ALOX12B: variants seen among roughly 807,000 people sequenced by gnomAD.
The protein encoded by ALOX12B is arachidonate 12-lipoxygenase, 12R-type.
ALOX12B carries 47 observed loss-of-function variants against 78.9 expected under a neutral mutation model. That is an observed-to-expected ratio of 0.60 (90% CI 0.47 to 0.76). ALOX12B has a LOEUF of 0.76. Among genes scored for constraint, ALOX12B ranks in the 30% least tolerant of loss-of-function variants. The pLI is 0.00. For missense variants in ALOX12B, 805 were observed against 922.6 expected (o/e 0.87, Z 1.65); for synonymous variants, 370 against 374.5 (o/e 0.99, Z 0.14).
intron 8 of ALOX12B, among the ~76,000 whole-genome samples, chr17:8,078,497 G>C (rs1032813722): frequency 2.0e-5 from 3 of 151,910 alleles, no homozygotes; most frequent in Non-Finnish European, 2.9e-5. Context: ...AGGGCCGGGC[G>C]AGGTGGCTCA....
intron 13 of ALOX12B, 37 bp from the exon 14 acceptor site, chr17:8,073,355 A>T: frequency 1.2e-6 from 2 of 1,612,864 alleles, no homozygotes; most frequent in South Asian, 1.1e-5. Context: ...TGGGTGGAAG[A>T]GTACCTCAGG....
chr17:8,077,629 C>T (rs992642036), intron 8 of ALOX12B, among the ~76,000 whole-genome samples: 1 of 152,180 alleles, frequency 6.6e-6, no homozygotes, highest in South Asian at 2.1e-4. Flanking sequence ...GGGCTCTGGC[C>T]CATCCCCCCA....
At position 8,080,916 on chromosome 17, in the gene ALOX12B, C is replaced by G. The variant is rs764854763; in HGVS notation, c.495G>C (p.Pro165=). Residue 165 remains proline (P), a synonymous_variant, in exon 4 of 15, where the codon CCG becomes CCC. Coordinates refer to ENST00000647874, the MANE Select transcript of ALOX12B (RefSeq NM_001139.3). This position sits in a 1 kb window ranked among gnomAD's most constrained non-coding sequence, Gnocchi z 4.8. ...GGTTGGGGTTGCGATGCCTCCGCAC[C>G]GGAGGGCGGTAACTGGGAATGTGCA... ...SYVHIPSYRP[P]VRRHRNPNRP... 6.2e-7 allele frequency: 1 copy of G among 1,613,698 alleles called. No homozygotes were observed. Among genetic ancestry groups the G allele is most frequent in the Non-Finnish European group, 8.5e-7 (1 of 1,180,008 alleles).
rs532164456 is a variant in ALOX12B at position 8,080,078 on chromosome 17, CGGA to C, written c.755-140_755-138del. ...GGCCCCCAGCCTGGCGCTGAGCGGC[CGGA>C]GGAGCCCGGTGCGACATTTTCCAAG... On this transcript the variant is annotated intron_variant, in intron 6 of 14. Transcript: ENST00000647874. The surrounding 1 kb of genome is among the most constrained non-coding windows in gnomAD (Gnocchi z 4.8). 246 of 1,480,178 alleles carry C rather than the reference CGGA, an allele frequency of 1.7e-4. No individual in the cohort carries two copies. The highest frequency in any genetic ancestry group is 2.1e-4 in the Non-Finnish European group (224 of 1,069,316). 91.7% of individuals were successfully genotyped at this position (1,480,178 alleles called of 1,614,324 possible). A position where few individuals can be genotyped will look rare whatever the true frequency, so the allele number is the denominator to read the frequency against.
rs1371416104 is a variant in ALOX12B at position 8,080,762 on chromosome 17, C to T, written c.546G>A (p.Pro182=). The T allele has an allele frequency of 1.2e-6, 2 of 1,614,032 alleles. No homozygotes were observed. Residue 182 remains proline, a synonymous_variant, in exon 5 of 15, where the codon CCG becomes CCA. Coordinates refer to ENST00000647874, the MANE Select transcript of ALOX12B (RefSeq NM_001139.3). This position sits in a 1 kb window ranked among gnomAD's most constrained non-coding sequence, Gnocchi z 4.8. Reference sequence around the variant, plus strand: ...TAAAGTTGATGAGAATTGGGAATCCCGGAATATAGCCATTCCACCTGTGGG... The same window carrying T: ...TAAAGTTGATGAGAATTGGGAATCCTGGAATATAGCCATTCCACCTGTGGG... ...PNRPEWNGYI[P]GFPILINFKA...
At chr17:8,087,243 C>CACAG (rs1555644055) in intron 1 of ALOX12B, 53 bp downstream of exon 1, 43 of 1,440,180 alleles carry the variant, frequency 3.0e-5, no homozygotes, top group Admixed American at 2.0e-4. Flanking sequence ...CACAGACACA[C>CACAG]ACACACACAC....
intron 2 of ALOX12B, among the ~76,000 whole-genome samples, chr17:8,083,285 C>T (rs141332151): frequency 1.3e-5 from 2 of 152,152 alleles, no homozygotes; most frequent in African/African-American, 4.8e-5. Context: ...AATTTCAAAG[C>T]ACCCCTGGAA....
rs1442371030 is a variant in ALOX12B, at chr17:8,080,721, A to C, written c.587T>G (p.Leu196Arg). 3 of 1,614,196 alleles carry C rather than the reference A, an allele frequency of 1.9e-6. No individual in the cohort carries two copies. Among genetic ancestry groups the C allele is most frequent in the East Asian group, 4.5e-5 (2 of 44,878 alleles). The stretch of plus-strand genomic sequence containing the variant: ...GAAGGAGTAGCGGAGATTTAAGTTC[A>C]GGAACTTGGTGGCCTTAAAGTTGAT... ...ILINFKATKFLNLNLRYSFLK... is the reference protein window; with the variant it reads ...ILINFKATKFRNLNLRYSFLK... Residue 196 changes from leucine (L) to arginine (R), a missense_variant, in exon 5 of 15, where the codon CTG becomes CGG. Transcript: ENST00000647874. The surrounding 1 kb of genome is among the most constrained non-coding windows in gnomAD (Gnocchi z 4.8).
intron 12 of ALOX12B, among the ~76,000 whole-genome samples, chr17:8,074,919 G>T (rs769624565): frequency 6.6e-6 from 1 of 152,206 alleles, no homozygotes; most frequent in East Asian, 1.9e-4. Flanking sequence ...CCATCCTGCA[G>T]ATCTTAGCTA....
intron 11 of ALOX12B, 45 bp from the exon 12 acceptor site, chr17:8,075,761 A>C: frequency 6.2e-7 from 1 of 1,613,118 alleles, no homozygotes; most frequent in Non-Finnish European, 8.5e-7. Flanking sequence ...CTCCCCTCCC[A>C]CTCCTCAGCC....
chr17:8,084,002 C>T (rs988799405), intron 2 of ALOX12B, among the ~76,000 whole-genome samples: 9 of 151,672 alleles, frequency 5.9e-5, no homozygotes, highest in African/African-American at 2.2e-4. Context: ...ACTAAAAATA[C>T]AAAAAATTAG....
In ALOX12B at chr17:8,087,616, T is replaced by A; in HGVS notation, c.-174A>T. The A allele has an allele frequency of 9.0e-7, 1 of 1,106,154 alleles. No homozygotes were observed. Among genetic ancestry groups the A allele is most frequent in the Non-Finnish European group, 1.3e-6 (1 of 769,746 alleles). The allele number at this position is 1,106,154 out of a possible 1,614,324, so 68.5% of individuals were successfully genotyped here. ...GTGACTAGGCCTGCCAGCCAAATTC[T>A]GGAAAAGCTGCTGCCCTTGGTGGCC... On this transcript the variant is annotated 5_prime_UTR_variant, in exon 1 of 15. Coordinates refer to ENST00000647874, the MANE Select transcript of ALOX12B (RefSeq NM_001139.3).
intron 1 of ALOX12B, among the ~76,000 whole-genome samples, chr17:8,086,462 T>A (rs1978298913): frequency 6.6e-6 from 1 of 152,052 alleles, no homozygotes; most frequent in Admixed American, 6.6e-5. Context: ...CTTCTCTCCA[T>A]CCCCAGCTCC....
Position 8,079,556 on chromosome 17 carries a change from A to G in ALOX12B, c.928-17T>C, listed in dbSNP as rs1265574690. Reference sequence around the variant, plus strand: ...GTTCCCCTTCTGGAGGGGAGCCGCGATGGGTGGCAAGTAGGCACCCACACG... The same window carrying G: ...GTTCCCCTTCTGGAGGGGAGCCGCGGTGGGTGGCAAGTAGGCACCCACACG... On this transcript the variant is annotated splice_polypyrimidine_tract_variant and intron_variant, in intron 7 of 14. Coordinates refer to ENST00000647874, the MANE Select transcript of ALOX12B (RefSeq NM_001139.3). This position sits in a 1 kb window ranked among gnomAD's most constrained non-coding sequence, Gnocchi z 6.4. 1.3e-6 allele frequency: 2 copies of G among 1,549,414 alleles called. No homozygotes were observed. The highest frequency in any genetic ancestry group is 8.7e-7 in the Non-Finnish European group (1 of 1,146,360).
At chr17:8,078,393 C>T (rs1299024669) in intron 8 of ALOX12B, among the ~76,000 whole-genome samples, 9 of 66,758 alleles carry the variant, frequency 1.3e-4, no homozygotes, top group Admixed American at 9.3e-4. Context: ...AGGTAATCTG[C>T]CCACCTCGGC....
At chr17:8,078,236 C>G (rs1434426080) in intron 8 of ALOX12B, among the ~76,000 whole-genome samples, 1 of 151,550 alleles carries the variant, frequency 6.6e-6, no homozygotes, top group Non-Finnish European at 1.5e-5. Context: ...ACCTCTGCCT[C>G]CTGGGTTCAA....
Position 8,079,959 on chromosome 17 carries a change from G to C in ALOX12B, c.755-18C>G. 8 of 1,608,132 alleles carry C rather than the reference G, an allele frequency of 5.0e-6. No homozygotes were observed. The East Asian group carries it at 1.8e-4, about 36-fold the overall frequency. ...CACGTACTCTGCGAGGACGGCGCGA[G>C]GGCGTCACAAGGAGGCCCGGCCCCC... On this transcript the variant is annotated intron_variant, in intron 6 of 14. Transcript: ENST00000647874. The surrounding 1 kb of genome is among the most constrained non-coding windows in gnomAD (Gnocchi z 6.4).
Position 8,073,637 on chromosome 17 carries a change from G to T in ALOX12B, c.1755+20C>A. 1 of 1,609,088 alleles carries T rather than the reference G, an allele frequency of 6.2e-7. No homozygotes were observed. The highest frequency in any genetic ancestry group is 8.5e-7 in the Non-Finnish European group (1 of 1,175,442). ...GGTCTGAGCCTCGGGCTGGGCCTGG[G>T]TTGGTGAGACCACCGGTACCTGGCC... On this transcript the variant is annotated intron_variant, in intron 13 of 14. Transcript: ENST00000647874.
Position 8,073,221 on chromosome 17 carries a change from G to C in ALOX12B, c.1853C>G (p.Thr618Arg). Residue 618 changes from threonine (T) to arginine (R), a missense_variant, in exon 14 of 15, where the codon ACG becomes AGG. Transcript: ENST00000647874. ...GLTTLETFMD[T>R]LPDVKTTCIT... Reference sequence around the variant, plus strand: ...GCACGTGGTCTTCACATCCGGCAACGTGTCCATGAAGGTCTCCAGAGTGGT... The same window carrying C: ...GCACGTGGTCTTCACATCCGGCAACCTGTCCATGAAGGTCTCCAGAGTGGT... The C allele has an allele frequency of 6.2e-7, 1 of 1,614,194 alleles. No individual in the cohort carries two copies. The highest frequency in any genetic ancestry group is 8.5e-7 in the Non-Finnish European group (1 of 1,180,028).
Sources: allele counts gnomAD v4.1 joint callset (sites outside exome capture counted in the v4.1 genomes callset), GRCh38; gene constraint gnomAD v4.1.1; non-coding constraint Gnocchi (gnomAD v3.1); transcripts MANE v1.5; gene names NCBI Gene and HGNC (gene_info 2026-07-23, HGNC 2026-07-21).